The following SYN3 variants were observed in gnomAD, a reference collection of about 807,000 sequenced individuals.
SYN3 encodes synapsin III.
A neutral mutation model predicts 65.8 loss-of-function variants in SYN3; 35 were observed. The observed-to-expected ratio is 0.53, with a 90% CI of 0.41 to 0.70. SYN3 has a LOEUF of 0.70. Ranked by LOEUF, SYN3 falls within the 30% of genes least tolerant of loss-of-function variation. The pLI is 0.00. For synonymous variants in SYN3, 270 were observed against 292.9 expected, an observed-to-expected ratio of 0.92 and a Z score of 0.80; for missense variants, 680 against 749.0, an observed-to-expected ratio of 0.91 and a Z score of 1.08.
chr22:32,779,218 G>C (rs1763196484), intron 6 of SYN3, among the ~76,000 whole-genome samples: 1 of 152,086 alleles, frequency 6.6e-6, no homozygotes, highest in African/African-American at 2.4e-5. Context: ...TCAGCACTTT[G>C]GGAGGCCGAG....
intron 6 of SYN3, among the ~76,000 whole-genome samples, chr22:32,770,843 G>A (rs1178074416): frequency 1.3e-5 from 1 of 76,744 alleles, no homozygotes; most frequent in Admixed American, 1.3e-4. Context: ...ACACGGAAGA[G>A]TGCCTGGCAC....
chr22:32,965,653 T>G (rs2051812082), intron 3 of SYN3, among the ~76,000 whole-genome samples: 1 of 152,106 alleles, frequency 6.6e-6, no homozygotes, highest in Admixed American at 6.6e-5. Context: ...CCATTAGATG[T>G]TAAGTTCCAT....
At chr22:32,989,918 A>T (rs1379405475) in intron 2 of SYN3, among the ~76,000 whole-genome samples, 2 of 150,872 alleles carry the variant, frequency 1.3e-5, no homozygotes, top group Non-Finnish European at 3.0e-5. Context: ...TGTCACCCTC[A>T]TTCCTACAGA....
intron 6 of SYN3, among the ~76,000 whole-genome samples, chr22:32,605,473 T>G (rs1043887158): frequency 3.3e-5 from 5 of 152,184 alleles, no homozygotes; most frequent in Non-Finnish European, 5.9e-5. Context: ...TCTTGAGCCC[T>G]TAGTGTGTAC....
intron 1 of SYN3, among the ~76,000 whole-genome samples, chr22:33,016,343 G>A (rs901817063): frequency 2.6e-5 from 4 of 152,096 alleles, no homozygotes; most frequent in African/African-American, 9.7e-5. Context: ...TAGCCTTCTG[G>A]TGACAGGCAT....
chr22:32,832,968 A>G (rs908854169), intron 6 of SYN3, among the ~76,000 whole-genome samples: 4 of 152,162 alleles, frequency 2.6e-5, no homozygotes, highest in Non-Finnish European at 4.4e-5. Context: ...CCTGAGCTCA[A>G]GGAATTCACC....
At chr22:32,545,452 C>A (rs1284781451) in intron 7 of SYN3, among the ~76,000 whole-genome samples, 1 of 152,180 alleles carries the variant, frequency 6.6e-6, no homozygotes, top group Non-Finnish European at 1.5e-5. Flanking sequence ...CAGGAGTGGG[C>A]AGGCGCCCTC....
At chr22:32,867,148 ATC>A (rs2048708647) in intron 5 of SYN3, among the ~76,000 whole-genome samples, 1 of 152,202 alleles carries the variant, frequency 6.6e-6, no homozygotes, top group East Asian at 1.9e-4. Flanking sequence ...CCACCAGGTG[ATC>A]ACACAGAGAG....
intron 6 of SYN3, among the ~76,000 whole-genome samples, chr22:32,724,038 CTCCTTT>C (rs1392507953): frequency 5.3e-5 from 8 of 152,142 alleles, no homozygotes; most frequent in African/African-American, 1.9e-4. Flanking sequence ...AGCAAACCTG[CTCCTTT>C]CTATGCAAGC....
At chr22:33,039,890 C>T (rs1601948088) in intron 1 of SYN3, among the ~76,000 whole-genome samples, 1 of 152,088 alleles carries the variant, frequency 6.6e-6, no homozygotes, top group East Asian at 1.9e-4. Flanking sequence ...ATTTTTTTCA[C>T]TGTCATACAT....
At chr22:32,952,279 GAAT>G (rs1317964365) in intron 3 of SYN3, among the ~76,000 whole-genome samples, 4 of 150,968 alleles carry the variant, frequency 2.6e-5, no homozygotes, top group Non-Finnish European at 5.9e-5. Flanking sequence ...ACACGCATGT[GAAT>G]AATGTGTGTG....
chr22:32,916,953 G>C (rs573924763), intron 4 of SYN3, among the ~76,000 whole-genome samples: 2 of 152,294 alleles, frequency 1.3e-5, no homozygotes, highest in South Asian at 4.1e-4. Context: ...CCTGGGTGAG[G>C]AGGGGGCCCT....
intron 6 of SYN3, among the ~76,000 whole-genome samples, chr22:32,856,382 C>T (rs969328698): frequency 5.9e-5 from 9 of 152,052 alleles, no homozygotes; most frequent in African/African-American, 1.4e-4. Context: ...TCAAGAGGAT[C>T]GGTGGCTTCA....
At chr22:32,529,597 C>T (rs775608807) in intron 10 of SYN3, among the ~76,000 whole-genome samples, 1 of 152,174 alleles carries the variant, frequency 6.6e-6, no homozygotes, top group Non-Finnish European at 1.5e-5. Context: ...CTGAGGGATC[C>T]GAGTTTCCCC....
At chr22:33,011,651 T>C (rs529808023) in intron 1 of SYN3, among the ~76,000 whole-genome samples, 2 of 151,934 alleles carry the variant, frequency 1.3e-5, no homozygotes, top group Non-Finnish European at 2.9e-5. Context: ...TAATATTGTG[T>C]TTTTTTTCTT....
chr22:32,728,041 AGAAAACT>A (rs2061220631), intron 6 of SYN3, among the ~76,000 whole-genome samples: 1 of 152,220 alleles, frequency 6.6e-6, no homozygotes, highest in South Asian at 2.1e-4. Flanking sequence ...AGCCATATGC[AGAAAACT>A]GAAACTGGAC....
chr22:33,020,990 C>T (rs1185895608), intron 1 of SYN3, among the ~76,000 whole-genome samples: 2 of 152,228 alleles, frequency 1.3e-5, no homozygotes. Flanking sequence ...TAAAACAGTG[C>T]TTGGCACATG....
intron 3 of SYN3, among the ~76,000 whole-genome samples, chr22:32,941,794 A>G (rs1394300142): frequency 6.6e-6 from 1 of 152,214 alleles, no homozygotes; most frequent in Non-Finnish European, 1.5e-5. Flanking sequence ...GTACACCAGG[A>G]GATTATATCC....
intron 4 of SYN3, among the ~76,000 whole-genome samples, chr22:32,899,595 C>T (rs1462633013): frequency 6.6e-6 from 1 of 152,140 alleles, no homozygotes; most frequent in Non-Finnish European, 1.5e-5. Flanking sequence ...AATTCATCCA[C>T]TTAAAATTTA....
Sources: allele counts gnomAD v4.1 joint callset (sites outside exome capture counted in the v4.1 genomes callset), GRCh38; gene constraint gnomAD v4.1.1; transcripts MANE v1.5; gene names NCBI Gene and HGNC (gene_info 2026-07-23, HGNC 2026-07-21).